CDIN1: variants seen among roughly 807,000 people sequenced by gnomAD.
CDIN1 encodes the protein CDAN1-interacting nuclease 1.
A neutral mutation model predicts 45.3 loss-of-function variants in CDIN1; 33 were observed. The observed-to-expected ratio is 0.73, with a 90% confidence interval of 0.55 to 0.97. The LOEUF is 0.97. Among genes scored for constraint, CDIN1 ranks in the 50% least tolerant of loss-of-function variants. CDIN1 has a pLI of 0.00. For missense variants in CDIN1, 303 were observed against 339.4 expected, an observed-to-expected ratio of 0.89 and a Z score of 0.84; for synonymous variants, 118 against 124.4, an observed-to-expected ratio of 0.95 and a Z score of 0.34.
chr15:36,591,470 C>T (rs1176713900), intron 1 of CDIN1, among the ~76,000 whole-genome samples: 2 of 152,170 alleles, frequency 1.3e-5, no homozygotes, highest in African/African-American at 4.8e-5. Flanking sequence ...CTGTATGTAA[C>T]AGCCTGTATG....
chr15:36,770,256 C>T (rs924063106), intron 10 of CDIN1, among the ~76,000 whole-genome samples: 1 of 149,580 alleles, frequency 6.7e-6, no homozygotes, highest in African/African-American at 2.5e-5. Context: ...TCTGTAGTAG[C>T]AACTGTGGCT....
At chr15:36,692,642 C>T (rs561727113) in intron 7 of CDIN1, among the ~76,000 whole-genome samples, 1 of 152,104 alleles carries the variant, frequency 6.6e-6, no homozygotes, top group Non-Finnish European at 1.5e-5. Context: ...GCAACAGATT[C>T]TTATTGCTTA....
intron 10 of CDIN1, among the ~76,000 whole-genome samples, chr15:36,780,070 T>C (rs1476869547): frequency 8.0e-6 from 1 of 125,696 alleles, no homozygotes; most frequent in African/African-American, 6.0e-5. Flanking sequence ...AGAGTGAGTC[T>C]CAATTTCCTG....
intron 1 of CDIN1, among the ~76,000 whole-genome samples, chr15:36,606,184 T>C (rs1176633398): frequency 2.6e-5 from 4 of 152,114 alleles, no homozygotes; most frequent in Non-Finnish European, 4.4e-5. Context: ...ATATTTTATA[T>C]ATAAATATAT....
intron 3 of CDIN1, among the ~76,000 whole-genome samples, chr15:36,645,613 C>G (rs1474634333): frequency 2.0e-5 from 3 of 151,606 alleles, no homozygotes; most frequent in African/African-American, 7.3e-5. Flanking sequence ...CATATCCTGT[C>G]TAAATGCATA....
At chr15:36,757,086 G>T (rs1486765038) in intron 10 of CDIN1, among the ~76,000 whole-genome samples, 1 of 152,132 alleles carries the variant, frequency 6.6e-6, no homozygotes, top group East Asian at 1.9e-4. Flanking sequence ...TGTGAACCAT[G>T]GTAGCAGTTT....
intron 5 of CDIN1, chr15:36,658,163 T>C: frequency 3.1e-6 from 1 of 323,502 alleles, no homozygotes; most frequent in Non-Finnish European, 5.7e-6. Flanking sequence ...ACTAAAAAAT[T>C]GATTCATCTT....
chr15:36,644,291 A>G lies in CDIN1; in HGVS notation c.115A>G (p.Thr39Ala). 6.2e-7 allele frequency: 1 copy of G among 1,613,566 alleles called. No individual in the cohort carries two copies. Among genetic ancestry groups the G allele is most frequent in the Non-Finnish European group, 8.5e-7 (1 of 1,179,702 alleles). ...KQRFPSQSQATLLSIFSQEYQ... is the reference protein window; with the variant it reads ...KQRFPSQSQAALLSIFSQEYQ... ...TATTTGTTCCAGTCAATCGCAGGCC[A>G]CTCTGCTGAGCATCTTCTCCCAGGA... Residue 39 changes from threonine (T) to alanine (A), a missense_variant, in exon 2 of 11, where the codon ACT (threonine) becomes GCT (alanine). By Grantham distance (58) the Thr-to-Ala change is moderately conservative. Transcript: ENST00000566621.
chr15:36,800,909 GTATATATATATATATATA>G (rs370036091), intron 10 of CDIN1, among the ~76,000 whole-genome samples: 49 of 22,390 alleles, frequency 2.2e-3, no homozygotes, highest in East Asian at 7.2e-3. Context: ...GTGTGTGTGT[GTATATATATATATATATA>G]TATATATATA....
At chr15:36,703,038 C>G (rs2042699525) in intron 8 of CDIN1, among the ~76,000 whole-genome samples, 1 of 150,024 alleles carries the variant, frequency 6.7e-6, no homozygotes, top group Admixed American at 6.7e-5. Context: ...CCCCGCCACT[C>G]CCCCAACGTC....
chr15:36,708,393 C>G (rs748055647), intron 8 of CDIN1: 31 of 151,810 alleles, frequency 2.0e-4, no homozygotes, highest in Non-Finnish European at 3.8e-4. Flanking sequence ...GGAGAACTCC[C>G]CATTTCAGAA....
intron 9 of CDIN1, 39 bp downstream of exon 9, chr15:36,709,327 A>T: frequency 2.7e-6 from 4 of 1,493,792 alleles, no homozygotes; most frequent in Non-Finnish European, 3.6e-6. Context: ...GTTTTTAGAG[A>T]AAAGGGATGT....
chr15:36,608,951 CTGTG>C (rs879677581), intron 1 of CDIN1, among the ~76,000 whole-genome samples: 1 of 150,216 alleles, frequency 6.7e-6, no homozygotes, highest in East Asian at 2.0e-4. Context: ...ACACAAATCT[CTGTG>C]TGTGTGTATG....
At chr15:36,702,188 C>G in intron 8 of CDIN1, 2 of 699,490 alleles carry the variant, frequency 2.9e-6, no homozygotes, top group Non-Finnish European at 5.2e-6. Context: ...AAATTCTTGT[C>G]TATCCGAAGG....
At position 36,691,770 on chromosome 15, in the gene CDIN1, A is replaced by G. The variant is rs1229341106; in HGVS notation, c.426+6A>G. ...TAGCAAATCAGGTCTATCAGGTATT[A>G]ATCACAGCTGTCTATTTTCAGTGGC... is the stretch of plus-strand genomic sequence containing the variant. On this transcript the variant is annotated splice_donor_region_variant and intron_variant, in intron 6 of 10. Transcript: ENST00000566621. The G allele has an allele frequency of 1.9e-6, 3 of 1,577,578 alleles. No homozygotes were observed. The highest frequency in any genetic ancestry group is 2.6e-6 in the Non-Finnish European group (3 of 1,154,170).
At chr15:36,640,991 C>T (rs1034386777) in intron 1 of CDIN1, among the ~76,000 whole-genome samples, 1 of 152,124 alleles carries the variant, frequency 6.6e-6, no homozygotes, top group African/African-American at 2.4e-5. Flanking sequence ...TCTCTAGGCA[C>T]GTCAATTTAG....
intron 10 of CDIN1, among the ~76,000 whole-genome samples, chr15:36,723,220 A>G (rs1283868749): frequency 5.0e-5 from 3 of 59,728 alleles, no homozygotes; most frequent in East Asian, 2.7e-3. Context: ...CTTGCTAACC[A>G]TTACCACCAT....
At chr15:36,775,072 T>G (rs1380901038) in intron 10 of CDIN1, among the ~76,000 whole-genome samples, 2 of 152,240 alleles carry the variant, frequency 1.3e-5, no homozygotes, top group African/African-American at 4.8e-5. Flanking sequence ...AACTATCTAA[T>G]AGGTGACACA....
chr15:36,756,429 A>T (rs2140985115), intron 10 of CDIN1, among the ~76,000 whole-genome samples: 1 of 152,228 alleles, frequency 6.6e-6, no homozygotes, highest in East Asian at 1.9e-4. Flanking sequence ...AACCTTTGTT[A>T]TATCCTTGCC....
Sources: gnomAD v4.1 joint callset for allele counts (sites outside exome capture counted in the v4.1 genomes callset) on GRCh38, gnomAD v4.1.1 for gene constraint, MANE v1.5 for transcripts, NCBI Gene and HGNC (gene_info 2026-07-23, HGNC 2026-07-21) for gene names.